PTPRC: variants seen among roughly 807,000 people sequenced by gnomAD.
PTPRC encodes receptor-type tyrosine-protein phosphatase C.
A neutral mutation model predicts 155.9 loss-of-function variants in PTPRC; 44 were observed. The ratio of observed to expected loss-of-function variants is 0.28; its 90% CI spans 0.22 to 0.36. The LOEUF (loss-of-function observed/expected upper bound fraction) is 0.36. PTPRC is among the 10% of genes least tolerant of loss of function. PTPRC has a pLI of 1.00. For synonymous variants in PTPRC, 525 were observed against 533.1 expected (o/e 0.98, Z 0.21); for missense variants, 1,401 against 1,564.6 (o/e 0.90, Z 1.76).
At chr1:198,658,137 A>T (rs536276645) in intron 2 of PTPRC, among the ~76,000 whole-genome samples, 1 of 152,194 alleles carries the variant, frequency 6.6e-6, no homozygotes, top group Non-Finnish European at 1.5e-5. Context: ...TGCTTTAAGC[A>T]CCTTTCAGAG....
rs775041537 is a variant in PTPRC, at chr1:198,702,539, A to T, written c.583+9A>T. The T allele has an allele frequency of 2.0e-5, 32 of 1,614,032 alleles. No homozygotes were observed. The highest frequency in any genetic ancestry group is 2.5e-5 in the Non-Finnish European group (30 of 1,180,002). ...CACAGCGAACACCTCAGGTCTGACTATGCTGCTCTAGTAGTGTCTTCAGTT... is the reference window on the plus strand; with the variant it reads ...CACAGCGAACACCTCAGGTCTGACTTTGCTGCTCTAGTAGTGTCTTCAGTT... On this transcript the variant is annotated intron_variant, in intron 6 of 32. Coordinates refer to ENST00000442510, the MANE Select transcript of PTPRC (RefSeq NM_002838.5).
rs762064446 is a variant in PTPRC at position 198,754,206 on chromosome 1, A to AT, written c.3510-61dup. The AT allele has an allele frequency of 5.1e-4, 777 of 1,514,438 alleles. 1 individual carries two copies. Among genetic ancestry groups the AT allele is most frequent in the Non-Finnish European group, 6.7e-4 (733 of 1,096,242 alleles). The allele number at this position is 1,514,438 out of a possible 1,614,324, so 93.8% of individuals were successfully genotyped here. A position where few individuals can be genotyped will look rare whatever the true frequency, so the allele number is the denominator to read the frequency against. Reference sequence around the variant, plus strand: ...ATATATTCTCTCTCTTCCTGTTTTTATTCTAATATCACCCTTTTTGGTGAG... The same window carrying AT: ...ATATATTCTCTCTCTTCCTGTTTTTATTTCTAATATCACCCTTTTTGGTGAG... On this transcript the variant is annotated intron_variant, in intron 31 of 32. Coordinates refer to ENST00000442510, the MANE Select transcript of PTPRC (RefSeq NM_002838.5).
Position 198,679,942 on chromosome 1 carries a change from ACCGTCGC to A in PTPRC, c.74-12402_74-12396del. The stretch of plus-strand genomic sequence containing the variant: ...CGTCAGCACTTTGCCCAGCTCGTCC[ACCGTCGC>A]CCTGGCGTAGGCGACATGCAGCGAG... On this transcript the variant is annotated intron_variant, in intron 2 of 32. Coordinates refer to ENST00000442510, the MANE Select transcript of PTPRC (RefSeq NM_002838.5). 8.1e-6 allele frequency: 5 copies of A among 615,902 alleles called. No homozygotes were observed. In the South Asian group the frequency reaches 9.2e-5, roughly 11 times the overall value. 38.2% of individuals were successfully genotyped at this position (615,902 alleles called of 1,614,324 possible).
intron 29 of PTPRC, 126 bp from the exon 30 acceptor site, chr1:198,752,123 G>T: frequency 8.7e-7 from 1 of 1,144,700 alleles, no homozygotes. Flanking sequence ...TTCAATTTTA[G>T]AACACAATAA....
In PTPRC at chr1:198,639,125, A is replaced by G; in HGVS notation, c.-56A>G. 1 of 713,800 alleles carries G rather than the reference A, an allele frequency of 1.4e-6. No individual in the cohort carries two copies. Among genetic ancestry groups the G allele is most frequent in the Non-Finnish European group, 2.5e-6 (1 of 397,966 alleles). 44.2% of individuals were successfully genotyped at this position (713,800 alleles called of 1,614,324 possible). ...AGGAAATTGTTCCTCGTCTGATAAG[A>G]CAACAGTGGAGAGTATGCATTTATT... On this transcript the variant is annotated 5_prime_UTR_variant, in exon 1 of 33. Transcript: ENST00000442510.
Position 198,742,289 on chromosome 1 carries a change from G to T in PTPRC, c.2619G>T (p.Leu873=). ...GAATTGATGCCATGCTAGAAGGCCT[G>T]GAAGCCGAGAACAAAGTGGATGTTT... ...YIGIDAMLEG[L]EAENKVDVYG... Residue 873 remains leucine (L), a synonymous_variant, in exon 25 of 33, where the codon CTG becomes CTT. Coordinates refer to ENST00000442510, the MANE Select transcript of PTPRC (RefSeq NM_002838.5). 6.2e-7 allele frequency: 1 copy of T among 1,612,350 alleles called. No homozygotes were observed. Among genetic ancestry groups the T allele is most frequent in the Non-Finnish European group, 8.5e-7 (1 of 1,178,940 alleles).
intron 3 of PTPRC, among the ~76,000 whole-genome samples, chr1:198,696,330 T>C (rs1227102437): frequency 1.3e-5 from 2 of 152,072 alleles, no homozygotes; most frequent in Non-Finnish European, 2.9e-5. Flanking sequence ...TTTTTAATTT[T>C]TTTAATCATC....
In PTPRC at chr1:198,664,724, T is replaced by G. The variant is rs188874792; in HGVS notation, c.73+25383T>G. Among the ~76,000 whole-genome samples the G allele has an allele frequency of 2.6e-4, 40 of 152,246 alleles. 1 individual carries two copies. The East Asian group carries it at 7.1e-3, about 27-fold the overall frequency. ...GTGTGAAGCTCTAGAATAGGCTGTTTGGGAAGACTACAAAATCTCCTCTCC... is the reference window on the plus strand; with the variant it reads ...GTGTGAAGCTCTAGAATAGGCTGTTGGGGAAGACTACAAAATCTCCTCTCC... On this transcript the variant is annotated intron_variant, in intron 2 of 32. Transcript: ENST00000442510.
chr1:198,708,013 C>A, intron 9 of PTPRC, 120 bp from the exon 10 acceptor site: 1 of 896,258 alleles, frequency 1.1e-6, no homozygotes, highest in Non-Finnish European at 1.7e-6. Flanking sequence ...TCAATCCTTG[C>A]CAAATTCTAT....
At chr1:198,735,378 G>C (rs947105015) in intron 23 of PTPRC, 126 bp downstream of exon 23, 1 of 920,636 alleles carries the variant, frequency 1.1e-6, no homozygotes, top group African/African-American at 1.7e-5. Context: ...TAGGATGAAA[G>C]CTGTGGTTAG....
chr1:198,642,920 C>CT (rs1662694554), intron 2 of PTPRC, among the ~76,000 whole-genome samples: 1 of 145,040 alleles, frequency 6.9e-6, no homozygotes, highest in Non-Finnish European at 1.5e-5. Flanking sequence ...TTCTTTCTTT[C>CT]TTTCTTTCTT....
chr1:198,668,055 T>C (rs186395755), intron 2 of PTPRC, among the ~76,000 whole-genome samples: 1 of 152,312 alleles, frequency 6.6e-6, no homozygotes, highest in Non-Finnish European at 1.5e-5. Context: ...TATACTCTCC[T>C]AACAGTAGAA....
intron 14 of PTPRC, among the ~76,000 whole-genome samples, chr1:198,720,755 A>C (rs1490571943): frequency 6.6e-6 from 1 of 152,160 alleles, no homozygotes; most frequent in Non-Finnish European, 1.5e-5. Context: ...GTCTTTTCAG[A>C]TATTTTACTC....
intron 31 of PTPRC, 81 bp downstream of exon 31, chr1:198,752,853 C>T: frequency 6.8e-7 from 1 of 1,471,378 alleles, no homozygotes. Context: ...TCTAGTTATC[C>T]TCATATATGA....
intron 2 of PTPRC, among the ~76,000 whole-genome samples, chr1:198,646,269 C>T (rs1224194064): frequency 6.6e-6 from 1 of 151,742 alleles, no homozygotes; most frequent in Non-Finnish European, 1.5e-5. Context: ...TTTACAATAA[C>T]TATTAGATTC....
chr1:198,643,674 T>C (rs1297102921), intron 2 of PTPRC, among the ~76,000 whole-genome samples: 1 of 151,970 alleles, frequency 6.6e-6, no homozygotes, highest in African/African-American at 2.4e-5. Flanking sequence ...TTTGATCTGC[T>C]CTTTGGACAT....
At chr1:198,666,102 T>C (rs1364980598) in intron 2 of PTPRC, among the ~76,000 whole-genome samples, 1 of 151,898 alleles carries the variant, frequency 6.6e-6, no homozygotes, top group African/African-American at 2.4e-5. Flanking sequence ...TAGCTGGGTA[T>C]AGTGCCTGTG....
Position 198,706,787 on chromosome 1 carries a change from T to C in PTPRC, c.739T>C (p.Leu247=), listed in dbSNP as rs1652998835. Residue 247 remains leucine, a synonymous_variant, in exon 9 of 33, where the codon TTA becomes CTA. Coordinates refer to ENST00000442510, the MANE Select transcript of PTPRC (RefSeq NM_002838.5). ...VDYLYNKETK[L]FTAKLNVNEN... ...TTACTTATATAACAAGGAAACTAAA[T>C]TATTTACAGCAAAGCTAAATGTTAA... The C allele has an allele frequency of 4.3e-6, 7 of 1,612,802 alleles. No individual in the cohort carries two copies. The highest frequency in any genetic ancestry group is 1.7e-5 in the Admixed American group (1 of 59,988).
intron 4 of PTPRC, among the ~76,000 whole-genome samples, chr1:198,698,483 A>G (rs1438096453): frequency 1.3e-5 from 2 of 152,018 alleles, no homozygotes; most frequent in Non-Finnish European, 2.9e-5. Context: ...AATGCAGTCA[A>G]TTTTTTTCAT....
Sources: gnomAD v4.1 joint callset for allele counts (sites outside exome capture counted in the v4.1 genomes callset) on GRCh38, gnomAD v4.1.1 for gene constraint, MANE v1.5 for transcripts, NCBI Gene and HGNC (gene_info 2026-07-23, HGNC 2026-07-21) for gene names.